DTHD1: variants seen among roughly 807,000 people sequenced by gnomAD.
DTHD1 encodes death domain-containing protein 1.
In DTHD1, 59 loss-of-function variants were observed where a neutral mutation model predicts 74.8. That is an observed-to-expected ratio of 0.79 (90% confidence interval 0.64 to 0.98). The LOEUF is 0.98. Among genes scored for constraint, DTHD1 ranks in the 50% least tolerant of loss-of-function variants. DTHD1 has a pLI of 0.00. For missense variants in DTHD1, 1,051 were observed against 1,065.4 expected, an observed-to-expected ratio of 0.99 and a Z score of 0.19; for synonymous variants, 365 against 371.1, an observed-to-expected ratio of 0.98 and a Z score of 0.19.
chr4:36,295,924 T>A (rs1578443703), intron 5 of DTHD1, among the ~76,000 whole-genome samples: 1 of 151,924 alleles, frequency 6.6e-6, no homozygotes, highest in Admixed American at 6.6e-5. Flanking sequence ...AAAGAAACAA[T>A]CAAAGGCCTA....
In DTHD1 at chr4:36,308,304, G is replaced by A; in HGVS notation, c.1906G>A (p.Val636Ile). The change falls in exon 7 of 10, where the codon GTA becomes ATA. Residue 636 changes from valine (V) to isoleucine (I), a missense_variant. Coordinates refer to ENST00000639862, the MANE Select transcript of DTHD1 (RefSeq NM_001170700.3). ...CATGCTCAGCACCACTGCCTGCATA[G>A]TACTGTCTCACCAGAAGGACAATCC... ...EAMLSTTACI[V>I]LSHQKDNPHR... is the part of the protein sequence containing the mutation. 6.4e-7 allele frequency: 1 copy of A among 1,552,050 alleles called. No individual in the cohort carries two copies. The highest frequency in any genetic ancestry group is 8.7e-7 in the Non-Finnish European group (1 of 1,147,078).
intron 9 of DTHD1, among the ~76,000 whole-genome samples, chr4:36,342,005 AC>A (rs1759339510): frequency 6.6e-6 from 1 of 152,226 alleles, no homozygotes; most frequent in South Asian, 2.1e-4. Context: ...TGAGCATGAA[AC>A]ACGAAGATTG....
At chr4:36,328,038 C>T (rs1168545674) in intron 8 of DTHD1, among the ~76,000 whole-genome samples, 1 of 145,510 alleles carries the variant, frequency 6.9e-6, no homozygotes, top group Non-Finnish European at 1.5e-5. Flanking sequence ...AAGCAAGCAA[C>T]TGAAAAAATA....
chr4:36,303,229 A>G (rs1406250441), intron 5 of DTHD1, among the ~76,000 whole-genome samples: 1 of 152,238 alleles, frequency 6.6e-6, no homozygotes, highest in Non-Finnish European at 1.5e-5. Flanking sequence ...CAAACTTTGC[A>G]ATTAGCATAT....
At chr4:36,343,467 G>A in intron 9 of DTHD1, 35 bp from the exon 10 acceptor site, 2 of 1,534,198 alleles carry the variant, frequency 1.3e-6, no homozygotes, top group Non-Finnish European at 1.8e-6. Context: ...CCAGGAGAGG[G>A]TCCTAACCGT....
At chr4:36,338,184 C>G (rs181448914) in intron 8 of DTHD1, among the ~76,000 whole-genome samples, 5 of 152,226 alleles carry the variant, frequency 3.3e-5, no homozygotes, top group Admixed American at 2.0e-4. Flanking sequence ...TCTTTATAAT[C>G]TTGTAATTTC....
At chr4:36,332,838 C>G (rs1471853123) in intron 8 of DTHD1, 2 of 152,028 alleles carry the variant, frequency 1.3e-5, no homozygotes, top group Non-Finnish European at 2.9e-5. Flanking sequence ...TAATGAAAGG[C>G]AGATGAGGTA....
intron 8 of DTHD1, among the ~76,000 whole-genome samples, chr4:36,319,707 T>G (rs550860524): frequency 1.3e-5 from 2 of 152,374 alleles, no homozygotes; most frequent in South Asian, 4.1e-4. Flanking sequence ...CACTTATTAG[T>G]GTTTCCTCTG....
At chr4:36,327,925 G>A (rs1373328739) in intron 8 of DTHD1, among the ~76,000 whole-genome samples, 1 of 152,094 alleles carries the variant, frequency 6.6e-6, no homozygotes, top group Non-Finnish European at 1.5e-5. Flanking sequence ...GGGGCCTAAA[G>A]CTGTCTTCTT....
intron 9 of DTHD1, 80 bp from the exon 10 acceptor site, chr4:36,343,422 A>G: frequency 7.5e-7 from 1 of 1,330,454 alleles, no homozygotes; most frequent in South Asian, 1.5e-5. Flanking sequence ...GAGACTTCCT[A>G]TAAACAGGTG....
intron 8 of DTHD1, among the ~76,000 whole-genome samples, chr4:36,321,962 G>A (rs984037636): frequency 6.6e-6 from 1 of 152,016 alleles, no homozygotes; most frequent in Admixed American, 6.6e-5. Context: ...CCCCTTGCTG[G>A]AATGTTCTTC....
intron 8 of DTHD1, among the ~76,000 whole-genome samples, chr4:36,325,721 A>C (rs967426889): frequency 3.9e-5 from 6 of 152,170 alleles, no homozygotes; most frequent in Non-Finnish European, 8.8e-5. Context: ...GGTTGCTCTC[A>C]GTACACTGGT....
Position 36,294,781 on chromosome 4 carries a change from T to A in DTHD1, c.1399-14T>A, listed in dbSNP as rs748372231. 6 of 1,496,858 alleles carry A rather than the reference T, an allele frequency of 4.0e-6. No homozygotes were observed. The highest frequency in any genetic ancestry group is 3.5e-4 in the Middle Eastern group (2 of 5,710). The allele number at this position is 1,496,858 out of a possible 1,614,324, so 92.7% of individuals were successfully genotyped here. ...TTCTATTAAAACATAAGAAAAAATA[T>A]ATTTTTTGTTTAGATCCAACCAGTT... On this transcript the variant is annotated splice_polypyrimidine_tract_variant and intron_variant, in intron 4 of 9. Transcript: ENST00000639862.
chr4:36,314,069 G>GTTTTTT (rs375245524), intron 7 of DTHD1, among the ~76,000 whole-genome samples: 8 of 138,990 alleles, frequency 5.8e-5, no homozygotes, highest in Non-Finnish European at 7.8e-5. Flanking sequence ...CTAGGAATCT[G>GTTTTTT]TTTTTTTTTT....
chr4:36,341,323 T>C (rs1759302434), intron 9 of DTHD1, among the ~76,000 whole-genome samples: 1 of 152,014 alleles, frequency 6.6e-6, no homozygotes, highest in Non-Finnish European at 1.5e-5. Flanking sequence ...GAAGGGAAAA[T>C]ACTTGATGAA....
chr4:36,308,142 A>T, intron 6 of DTHD1, 62 bp from the exon 7 acceptor site: 2 of 1,428,236 alleles, frequency 1.4e-6, no homozygotes, highest in Admixed American at 2.4e-5. Flanking sequence ...GTGTTATTAG[A>T]TATCAGTGAT....
chr4:36,345,175 A>G lies in DTHD1; in HGVS notation c.*1351A>G, dbSNP rs990410342. 12 of 152,188 alleles carry G rather than the reference A, an allele frequency of 7.9e-5. No individual in the cohort carries two copies. Among genetic ancestry groups the G allele is most frequent in the Non-Finnish European group, 1.5e-4 (10 of 68,018 alleles). 9.4% of individuals were successfully genotyped at this position (152,188 alleles called of 1,614,324 possible). A position where few individuals can be genotyped will look rare whatever the true frequency, so the allele number is the denominator to read the frequency against. On this transcript the variant is annotated 3_prime_UTR_variant, in exon 10 of 10. Coordinates refer to ENST00000639862, the MANE Select transcript of DTHD1 (RefSeq NM_001170700.3). ...AAGCCTTATTACATAAGCCCTAGATATACATCATTAAAAATAAACAAAACA... is the reference window on the plus strand; with the variant it reads ...AAGCCTTATTACATAAGCCCTAGATGTACATCATTAAAAATAAACAAAACA...
rs1759508059 is a variant in DTHD1 at position 36,344,834 on chromosome 4, A to G, written c.*1010A>G. 1 of 152,164 alleles carries G rather than the reference A, an allele frequency of 6.6e-6. No homozygotes were observed. Among genetic ancestry groups the G allele is most frequent in the Admixed American group, 6.6e-5 (1 of 15,264 alleles). 9.4% of individuals were successfully genotyped at this position (152,164 alleles called of 1,614,324 possible). Reference sequence around the variant, plus strand: ...TATTTTTGGTTGACTCAGGCAACCAATTCAAGTTACATAGATACCATAGAG... The same window carrying G: ...TATTTTTGGTTGACTCAGGCAACCAGTTCAAGTTACATAGATACCATAGAG... On this transcript the variant is annotated 3_prime_UTR_variant, in exon 10 of 10. Coordinates refer to ENST00000639862, the MANE Select transcript of DTHD1 (RefSeq NM_001170700.3).
chr4:36,313,206 C>A (rs1207398406), intron 7 of DTHD1, among the ~76,000 whole-genome samples: 1 of 151,884 alleles, frequency 6.6e-6, no homozygotes, highest in African/African-American at 2.4e-5. Flanking sequence ...GCAGGTAATC[C>A]ACAAAATATA....
Sources: allele counts gnomAD v4.1 joint callset (sites outside exome capture counted in the v4.1 genomes callset), GRCh38; gene constraint gnomAD v4.1.1; transcripts MANE v1.5; gene names NCBI Gene and HGNC (gene_info 2026-07-23, HGNC 2026-07-21).